Variants in SNTG1 observed in about 807,000 individuals in gnomAD.
The protein encoded by SNTG1 is gamma-1-syntrophin.
In SNTG1, 39 loss-of-function variants were observed where a neutral mutation model predicts 74.7. The observed-to-expected ratio is 0.52, with a 90% CI of 0.40 to 0.68. The LOEUF (loss-of-function observed/expected upper bound fraction) is 0.68, where lower values mean the gene tolerates loss of function less well. Among genes scored for constraint, SNTG1 ranks in the 30% least tolerant of loss-of-function variants. The pLI is 0.00. For missense variants in SNTG1, 685 were observed against 609.5 expected, an observed-to-expected ratio of 1.12 and a Z score of -1.30; for synonymous variants, 254 against 217.1, an observed-to-expected ratio of 1.17 and a Z score of -1.49.
intron 1 of SNTG1, among the ~76,000 whole-genome samples, chr8:49,989,030 A>G (rs1219124345): frequency 6.6e-6 from 1 of 152,002 alleles, no homozygotes; most frequent in East Asian, 1.9e-4. Context: ...TTTGATCATT[A>G]TAGAGAGCAT....
intron 17 of SNTG1, among the ~76,000 whole-genome samples, chr8:50,734,849 ACATATATATATC>A (rs2095523015): frequency 1.1e-5 from 1 of 88,040 alleles, no homozygotes; most frequent in Non-Finnish European, 2.3e-5. Flanking sequence ...ATATATATGG[ACATATATATATC>A]TATATATATG....
Position 50,553,090 on chromosome 8 carries a change from A to C in SNTG1, c.721A>C (p.Thr241Pro). Residue 241 changes from threonine to proline, a missense_variant, in exon 12 of 19, where the codon ACT (threonine) becomes CCT (proline). Transcript: ENST00000642720. The stretch of plus-strand genomic sequence containing the variant: ...AGTCATTGCTGTGGATGGGGTCTGC[A>C]CTGGGATTATTCAGTGCCTCTCTGC... ...FQVIAVDGVC[T>P]GIIQCLSAED... 1 of 1,613,942 alleles carries C rather than the reference A, an allele frequency of 6.2e-7. No individual in the cohort carries two copies. Among genetic ancestry groups the C allele is most frequent in the Non-Finnish European group, 8.5e-7 (1 of 1,179,864 alleles).
chr8:50,199,667 G>A (rs1489626830), intron 2 of SNTG1, among the ~76,000 whole-genome samples: 1 of 152,168 alleles, frequency 6.6e-6, no homozygotes, highest in Non-Finnish European at 1.5e-5. Flanking sequence ...ACGACGCTGA[G>A]TGCAGGTCGT....
intron 8 of SNTG1, among the ~76,000 whole-genome samples, chr8:50,479,655 C>T (rs2093724296): frequency 6.6e-6 from 1 of 152,096 alleles, no homozygotes; most frequent in African/African-American, 2.4e-5. Flanking sequence ...TCTGCACTCA[C>T]TGTGGAGTCT....
chr8:50,738,502 C>A (rs577869075), intron 17 of SNTG1, among the ~76,000 whole-genome samples: 2 of 152,186 alleles, frequency 1.3e-5, no homozygotes, highest in East Asian at 3.9e-4. Context: ...TTTATAGATT[C>A]AATGCTATCC....
intron 8 of SNTG1, among the ~76,000 whole-genome samples, chr8:50,479,295 G>T (rs190260566): frequency 2.6e-5 from 4 of 152,072 alleles, no homozygotes; most frequent in Non-Finnish European, 5.9e-5. Flanking sequence ...TAGAACTTGG[G>T]CATTGAGGGA....
chr8:50,292,292 G>C (rs2089154887), intron 2 of SNTG1, among the ~76,000 whole-genome samples: 1 of 151,992 alleles, frequency 6.6e-6, no homozygotes, highest in African/African-American at 2.4e-5. Context: ...CTTGAATCCA[G>C]GACAGGTCAG....
intron 18 of SNTG1, among the ~76,000 whole-genome samples, chr8:50,770,316 T>C (rs1042977899): frequency 6.6e-6 from 1 of 152,110 alleles, no homozygotes; most frequent in Non-Finnish European, 1.5e-5. Flanking sequence ...TGGAAATAAA[T>C]TAAATGTTTG....
chr8:50,404,800 T>A (rs1419758564), intron 4 of SNTG1, among the ~76,000 whole-genome samples: 1 of 152,106 alleles, frequency 6.6e-6, no homozygotes, highest in African/African-American at 2.4e-5. Context: ...CATTAAACAG[T>A]AACTCTCCAT....
At position 49,938,602 on chromosome 8, in the gene SNTG1, C is replaced by CTTTTCTTTTTTTTCTTTTCT. The variant is rs1808346560; in HGVS notation, c.-103+26379_-103+26380insTTTTTCTTTTCTTTTTCTTT. On this transcript the variant is annotated intron_variant, in intron 1 of 18. Coordinates refer to ENST00000642720, the MANE Select transcript of SNTG1 (RefSeq NM_018967.5). ...CTTTTCTTTTCTTTTCTTTTCTTTT[C>CTTTTCTTTTTTTTCTTTTCT]TTTTCTTTCTTTCTTTCTTTCTTTC... Among the ~76,000 whole-genome samples, 17 of 8,114 alleles carry CTTTTCTTTTTTTTCTTTTCT rather than the reference C, an allele frequency of 2.1e-3. 1 individual carries two copies. The highest frequency in any genetic ancestry group is 4.3e-3 in the Admixed American group (2 of 470). 5.3% of individuals were successfully genotyped at this position (8,114 alleles called of 152,430 possible).
chr8:50,222,820 A>G (rs902668211), intron 2 of SNTG1, among the ~76,000 whole-genome samples: 18 of 152,296 alleles, frequency 1.2e-4, no homozygotes, highest in African/African-American at 4.1e-4. Flanking sequence ...ACAGTTGCAG[A>G]CAGAAGCAAA....
intron 2 of SNTG1, among the ~76,000 whole-genome samples, chr8:50,316,626 A>G (rs1366360523): frequency 2.0e-5 from 3 of 152,184 alleles, no homozygotes; most frequent in Non-Finnish European, 4.4e-5. Context: ...GACAAAGAAT[A>G]CACTTAATAA....
intron 1 of SNTG1, among the ~76,000 whole-genome samples, chr8:50,095,418 C>T (rs562397130): frequency 2.6e-5 from 4 of 152,250 alleles, no homozygotes; most frequent in East Asian, 1.9e-4. Context: ...ACAGTCTCAG[C>T]GTTGCTCAAA....
chr8:50,566,513 C>T lies in SNTG1; in HGVS notation c.810+13334C>T, dbSNP rs551710263. Among the ~76,000 whole-genome samples the T allele has an allele frequency of 1.2e-4, 18 of 152,102 alleles. No individual in the cohort carries two copies. The South Asian group carries it at 2.5e-3, about 21-fold the overall frequency. ...GTAATAAAACTATCACACACACACA[C>T]ACTTGAAATATAGTAGGAAAAACAA... On this transcript the variant is annotated intron_variant, in intron 12 of 18. Coordinates refer to ENST00000642720, the MANE Select transcript of SNTG1 (RefSeq NM_018967.5).
chr8:50,490,189 C>T lies in SNTG1; in HGVS notation c.364-12589C>T, dbSNP rs187404118. Among the ~76,000 whole-genome samples the T allele has an allele frequency of 2.2e-3, 338 of 152,176 alleles. 2 individuals are homozygous for T. Among genetic ancestry groups the T allele is most frequent in the African/African-American group, 7.6e-3 (314 of 41,538 alleles). ...GTTACTGTAGCCTTGTACTATAGTT[C>T]GAAATCAAGTAACATGATGCCTCCA... On this transcript the variant is annotated intron_variant, in intron 8 of 18. Coordinates refer to ENST00000642720, the MANE Select transcript of SNTG1 (RefSeq NM_018967.5).
At chr8:50,222,116 C>T (rs1486501456) in intron 2 of SNTG1, among the ~76,000 whole-genome samples, 1 of 152,116 alleles carries the variant, frequency 6.6e-6, no homozygotes, top group South Asian at 2.1e-4. Context: ...CTGCAAAAGC[C>T]AGAAAAGACA....
At chr8:50,113,009 T>C (rs2080662626) in intron 1 of SNTG1, among the ~76,000 whole-genome samples, 1 of 152,150 alleles carries the variant, frequency 6.6e-6, no homozygotes, top group Non-Finnish European at 1.5e-5. Context: ...TGTAGTATAG[T>C]TTGAAGTCAG....
At chr8:50,552,549 A>G (rs141474811) in intron 11 of SNTG1, among the ~76,000 whole-genome samples, 2 of 152,146 alleles carry the variant, frequency 1.3e-5, no homozygotes, top group Non-Finnish European at 2.9e-5. Flanking sequence ...CAGACTGAGA[A>G]TGAGGGTGGA....
chr8:50,486,495 G>C (rs757337637), intron 8 of SNTG1, among the ~76,000 whole-genome samples: 65 of 117,096 alleles, frequency 5.6e-4, no homozygotes, highest in South Asian at 1.3e-3. Flanking sequence ...TTTGTACATT[G>C]ATTTTGTATC....
Sources: gnomAD v4.1 joint callset for allele counts (sites outside exome capture counted in the v4.1 genomes callset) on GRCh38, gnomAD v4.1.1 for gene constraint, MANE v1.5 for transcripts, NCBI Gene and HGNC (gene_info 2026-07-23, HGNC 2026-07-21) for gene names.